FAM117B: variants seen among roughly 807,000 people sequenced by gnomAD.
FAM117B encodes family with sequence similarity 117 member B.
Under a neutral mutation model 52.8 loss-of-function variants are expected in FAM117B, and 22 were observed. The ratio of observed to expected loss-of-function variants is 0.42; its 90% CI spans 0.30 to 0.59. FAM117B has a LOEUF of 0.59. Among genes scored for constraint, FAM117B ranks in the 20% least tolerant of loss-of-function variants. The pLI is 0.22. For missense variants in FAM117B, 678 were observed against 802.6 expected, an observed-to-expected ratio of 0.84 and a Z score of 1.88; for synonymous variants, 309 against 324.1, an observed-to-expected ratio of 0.95 and a Z score of 0.50.
At chr2:202,683,336 CAAAA>C (rs142014045) in intron 1 of FAM117B, among the ~76,000 whole-genome samples, 3,701 of 151,750 alleles carry the variant, frequency 0.024, 173 homozygotes, top group East Asian at 0.15. Context: ...CTCAAAAAAA[CAAAA>C]AACCAAAACA....
At chr2:202,719,620 A>G (rs996890003) in intron 2 of FAM117B, among the ~76,000 whole-genome samples, 3 of 152,190 alleles carry the variant, frequency 2.0e-5, no homozygotes, top group Admixed American at 2.0e-4. Context: ...AAATACCAAT[A>G]AACTTATCAA....
At chr2:202,649,980 G>A (rs773280649) in intron 1 of FAM117B, among the ~76,000 whole-genome samples, 1 of 151,800 alleles carries the variant, frequency 6.6e-6, no homozygotes. Flanking sequence ...TGATTCTCCC[G>A]CCTTTAGCCT....
intron 4 of FAM117B, among the ~76,000 whole-genome samples, chr2:202,732,546 C>T (rs72930744): frequency 0.23 from 34,435 of 152,102 alleles, 4,609 homozygotes; most frequent in Middle Eastern, 0.31. Context: ...TGGCCAGGCA[C>T]GGCGGCTTAT....
chr2:202,744,282 G>T (rs1319365899), intron 4 of FAM117B, among the ~76,000 whole-genome samples: 1 of 152,208 alleles, frequency 6.6e-6, no homozygotes. Flanking sequence ...CATGGCGGAA[G>T]GTGAAGGGGA....
At chr2:202,694,911 T>C (rs1341393028) in intron 1 of FAM117B, among the ~76,000 whole-genome samples, 1 of 152,204 alleles carries the variant, frequency 6.6e-6, no homozygotes, top group Non-Finnish European at 1.5e-5. Context: ...GTCACTAATT[T>C]TTTAGTGACA....
intron 1 of FAM117B, among the ~76,000 whole-genome samples, chr2:202,653,479 C>T (rs974013526): frequency 5.3e-5 from 8 of 152,234 alleles, no homozygotes; most frequent in African/African-American, 1.9e-4. Context: ...GCTGGGATTA[C>T]AGGCATGAAC....
intron 1 of FAM117B, among the ~76,000 whole-genome samples, chr2:202,684,383 CT>C (rs1690506281): frequency 6.6e-6 from 1 of 152,120 alleles, no homozygotes; most frequent in Non-Finnish European, 1.5e-5. Flanking sequence ...TACTTTCTTG[CT>C]TTTTTGTGGT....
rs747787772 is a variant in FAM117B, at chr2:202,755,411, C to A, written c.961-127C>A. 3.4e-6 allele frequency: 4 copies of A among 1,159,684 alleles called. No homozygotes were observed. The African/African-American group carries it at 4.6e-5, about 13-fold the overall frequency. The allele number at this position is 1,159,684 out of a possible 1,614,324, so 71.8% of individuals were successfully genotyped here. A position where few individuals can be genotyped will look rare whatever the true frequency, so the allele number is the denominator to read the frequency against. On this transcript the variant is annotated intron_variant, in intron 4 of 7. Coordinates refer to ENST00000392238, the MANE Select transcript of FAM117B (RefSeq NM_173511.4). ...ATGCTAAGGAGCAGGTTTGGTCACT[C>A]ACACTTTTTGTGAGGCCTGTAAACT... is the stretch of plus-strand genomic sequence containing the variant.
intron 1 of FAM117B, among the ~76,000 whole-genome samples, chr2:202,691,453 A>G (rs879719793): frequency 5.3e-5 from 8 of 151,824 alleles, no homozygotes; most frequent in Non-Finnish European, 8.8e-5. Flanking sequence ...CAATAATTTT[A>G]ATAATCTTTG....
intron 4 of FAM117B, among the ~76,000 whole-genome samples, chr2:202,728,302 G>A (rs923750953): frequency 6.6e-6 from 1 of 151,884 alleles, no homozygotes; most frequent in Non-Finnish European, 1.5e-5. Context: ...TTTATAGTTC[G>A]ATTATAATTT....
chr2:202,657,913 C>T (rs1690075982), intron 1 of FAM117B, among the ~76,000 whole-genome samples: 1 of 151,938 alleles, frequency 6.6e-6, no homozygotes, highest in Admixed American at 6.6e-5. Flanking sequence ...TTGGTGGCTG[C>T]TATGGGGATT....
intron 2 of FAM117B, among the ~76,000 whole-genome samples, chr2:202,717,745 T>C (rs1438843124): frequency 6.6e-6 from 1 of 152,186 alleles, no homozygotes; most frequent in African/African-American, 2.4e-5. Flanking sequence ...GTGATTGCAC[T>C]GGGTCAGACC....
At position 202,765,520 on chromosome 2, in the gene FAM117B, G is replaced by T. The variant is rs1472037370; in HGVS notation, c.1526G>T (p.Gly509Val). 1 of 1,613,970 alleles carries T rather than the reference G, an allele frequency of 6.2e-7. No homozygotes were observed. Among genetic ancestry groups the T allele is most frequent in the Non-Finnish European group, 8.5e-7 (1 of 1,180,010 alleles). Residue 509 changes from glycine to valine, a missense_variant, in exon 8 of 8, where the codon GGA becomes GTA. Physicochemically the swap from Gly to Val is moderately radical, Grantham distance 109. This residue lies in a region of FAM117B where 27 missense variants were observed against 77.3 expected (regional missense o/e 0.35). Coordinates refer to ENST00000392238, the MANE Select transcript of FAM117B (RefSeq NM_173511.4). ...KNKVNFIPKS[G>V]SAFCLVSILK... is the part of the protein sequence containing the mutation. ...AAGGTGAATTTCATTCCTAAAAGTG[G>T]ATCTGCTTTCTGCCTCGTCAGCATC... is the stretch of plus-strand genomic sequence containing the variant.
chr2:202,688,286 G>A (rs1462686930), intron 1 of FAM117B, among the ~76,000 whole-genome samples: 1 of 152,028 alleles, frequency 6.6e-6, no homozygotes, highest in Non-Finnish European at 1.5e-5. Context: ...GGTACAATTG[G>A]GAATGCAGTG....
intron 1 of FAM117B, among the ~76,000 whole-genome samples, chr2:202,663,847 G>C (rs1485252790): frequency 6.6e-6 from 1 of 152,194 alleles, no homozygotes; most frequent in Non-Finnish European, 1.5e-5. Flanking sequence ...GCCTCCCAAA[G>C]TGTTGGGATT....
At chr2:202,703,836 G>C (rs1690833326) in intron 2 of FAM117B, among the ~76,000 whole-genome samples, 1 of 152,196 alleles carries the variant, frequency 6.6e-6, no homozygotes, top group Non-Finnish European at 1.5e-5. Flanking sequence ...ATATACCTGA[G>C]AGTGGAATTG....
chr2:202,677,150 C>T (rs576262641), intron 1 of FAM117B, among the ~76,000 whole-genome samples: 1 of 152,020 alleles, frequency 6.6e-6, no homozygotes, highest in African/African-American at 2.4e-5. Context: ...TCACTACAAC[C>T]TCCGCCTCCG....
At chr2:202,719,180 T>C (rs1315267887) in intron 2 of FAM117B, among the ~76,000 whole-genome samples, 1 of 152,240 alleles carries the variant, frequency 6.6e-6, no homozygotes, top group African/African-American at 2.4e-5. Flanking sequence ...GGCATATAAG[T>C]AAAACTGATG....
At chr2:202,673,378 GT>G (rs1325930637) in intron 1 of FAM117B, among the ~76,000 whole-genome samples, 1 of 139,156 alleles carries the variant, frequency 7.2e-6, no homozygotes, top group Non-Finnish European at 1.5e-5. Context: ...AAAGTTGCTA[GT>G]TCCTGCTCTA....
Sources: allele counts gnomAD v4.1 joint callset (sites outside exome capture counted in the v4.1 genomes callset), GRCh38; gene constraint gnomAD v4.1.1; regional missense constraint gnomAD v4.1.1; transcripts MANE v1.5; gene names NCBI Gene and HGNC (gene_info 2026-07-23, HGNC 2026-07-21).